ZNF157: variants seen among roughly 807,000 people sequenced by gnomAD.
The protein encoded by ZNF157 is zinc finger protein 157.
Under a neutral mutation model 9.4 loss-of-function variants are expected in ZNF157, and 8 were observed. The ratio of observed to expected loss-of-function variants is 0.85; its 90% CI spans 0.50 to 1.53. The LOEUF (loss-of-function observed/expected upper bound fraction) is 1.53, where lower values mean the gene tolerates loss of function less well. Among genes scored for constraint, ZNF157 ranks in the 40% most tolerant of loss-of-function variants. The probability of loss-of-function intolerance (pLI) is 0.00; values close to 1 mark genes in which losing one functional copy is unlikely to be tolerated. For missense variants in ZNF157, 316 were observed against 385.2 expected (o/e 0.82, Z 1.50); for synonymous variants, 120 against 130.8 (o/e 0.92, Z 0.56).
intron 1 of ZNF157, among the ~76,000 whole-genome samples, chrX:47,393,718 A>C (rs2055904266): frequency 1.1e-5 from 1 of 90,326 alleles, no homozygotes. Flanking sequence ...GGATTGAGCT[A>C]CCATCCCCGC....
intron 1 of ZNF157, among the ~76,000 whole-genome samples, chrX:47,394,524 G>A (rs1441032846): frequency 1.8e-5 from 2 of 111,725 alleles, no homozygotes; most frequent in Non-Finnish European, 3.8e-5. Context: ...TACGTTGCTC[G>A]AAAATCTCTC....
At chrX:47,385,502 T>G (rs763232992) in intron 1 of ZNF157, among the ~76,000 whole-genome samples, 1 of 108,809 alleles carries the variant, frequency 9.2e-6, no homozygotes, top group African/African-American at 3.3e-5. Flanking sequence ...AATAACAAAC[T>G]CTTGAGTGCT....
intron 2 of ZNF157, 104 bp from the exon 3 acceptor site, chrX:47,410,576 G>A (rs953138167): frequency 4.2e-6 from 4 of 949,360 alleles, no homozygotes; most frequent in Non-Finnish European, 5.8e-6. Flanking sequence ...GTTTAAATGG[G>A]CCCCCTTCCT....
chrX:47,388,187 A>G (rs1031743342), intron 1 of ZNF157, among the ~76,000 whole-genome samples: 1 of 109,864 alleles, frequency 9.1e-6, no homozygotes, highest in Admixed American at 9.9e-5. Flanking sequence ...ACTGCACTCA[A>G]GTGATCCTCC....
Position 47,412,395 on chromosome X carries a change from G to A in ZNF157, c.322G>A (p.Gly108Ser). The A allele has an allele frequency of 3.3e-6, 4 of 1,201,506 alleles. No homozygotes were observed. The highest frequency in any genetic ancestry group is 3.4e-6 in the Non-Finnish European group (3 of 888,342). The change falls in exon 4 of 4, where the codon GGT becomes AGT. Residue 108 changes from glycine to serine, a missense_variant. Physicochemically the swap from Gly to Ser is moderately conservative, Grantham distance 56. Coordinates refer to ENST00000377073, the MANE Select transcript of ZNF157 (RefSeq NM_003446.4). ...SGSLSLLCGN[G>S]SVGDNALRHD... The stretch of plus-strand genomic sequence containing the variant: ...ATCTCTCTCACTGCTGTGTGGCAAT[G>A]GTTCTGTTGGGGATAATGCCCTCAG...
chrX:47,371,567 C>T (rs920217285), intron 1 of ZNF157, among the ~76,000 whole-genome samples: 1 of 111,634 alleles, frequency 9.0e-6, no homozygotes, highest in Non-Finnish European at 1.9e-5. Context: ...CGTCATTCAG[C>T]AAAATTCTGT....
At chrX:47,406,977 G>A (rs1357852904) in intron 1 of ZNF157, among the ~76,000 whole-genome samples, 4 of 112,006 alleles carry the variant, frequency 3.6e-5, no homozygotes, top group Non-Finnish European at 5.6e-5. Context: ...GATGTTAGCT[G>A]TAGGTTTTTG....
intron 1 of ZNF157, among the ~76,000 whole-genome samples, chrX:47,383,759 T>C (rs2055871727): frequency 9.3e-6 from 1 of 107,560 alleles, no homozygotes; most frequent in Admixed American, 1.0e-4. Context: ...ACCCAAAGCT[T>C]TGTGCACATG....
intron 1 of ZNF157, among the ~76,000 whole-genome samples, chrX:47,395,528 A>G (rs2055910646): frequency 8.9e-6 from 1 of 112,070 alleles, no homozygotes; most frequent in African/African-American, 3.2e-5. Flanking sequence ...TAATCTCTAA[A>G]TAAAGATAAC....
intron 1 of ZNF157, among the ~76,000 whole-genome samples, chrX:47,380,757 TTTA>T (rs1242465522): frequency 2.1e-5 from 2 of 93,927 alleles, no homozygotes; most frequent in East Asian, 3.2e-4. Context: ...ATTTTTCTTT[TTTA>T]TTATTATTTT....
intron 1 of ZNF157, among the ~76,000 whole-genome samples, chrX:47,393,959 C>G (rs1361381017): frequency 9.5e-6 from 1 of 105,592 alleles, no homozygotes; most frequent in Non-Finnish European, 1.9e-5. Flanking sequence ...CCAGGCTGGT[C>G]TCGAACTCTT....
intron 1 of ZNF157, among the ~76,000 whole-genome samples, chrX:47,401,819 G>A (rs1036035020): frequency 3.6e-5 from 4 of 110,231 alleles, no homozygotes; most frequent in Non-Finnish European, 7.6e-5. Context: ...AGTTCACTGC[G>A]GCCTCCACCT....
At chrX:47,376,028 G>A (rs1371836741) in intron 1 of ZNF157, among the ~76,000 whole-genome samples, 1 of 111,636 alleles carries the variant, frequency 9.0e-6, no homozygotes, top group Non-Finnish European at 1.9e-5. Context: ...TCATGTAGTT[G>A]GAATCATGCA....
At chrX:47,404,244 C>T (rs1339241745) in intron 1 of ZNF157, among the ~76,000 whole-genome samples, 2 of 109,323 alleles carry the variant, frequency 1.8e-5, no homozygotes, top group African/African-American at 3.3e-5. Flanking sequence ...CGGCTCACTG[C>T]AACCTCCATC....
intron 1 of ZNF157, among the ~76,000 whole-genome samples, chrX:47,396,278 G>C (rs1010612298): frequency 1.8e-4 from 20 of 110,896 alleles, no homozygotes; most frequent in African/African-American, 6.6e-4. Context: ...AGTAGCTCAT[G>C]CCTGTAATCC....
intron 3 of ZNF157, among the ~76,000 whole-genome samples, chrX:47,411,449 G>A (rs936548074): frequency 7.2e-5 from 8 of 110,666 alleles, no homozygotes; most frequent in East Asian, 2.8e-4. Context: ...TCACCTGCCC[G>A]GTTTAAACGA....
chrX:47,392,778 A>G (rs2055901043), intron 1 of ZNF157, among the ~76,000 whole-genome samples: 1 of 111,991 alleles, frequency 8.9e-6, no homozygotes, highest in Non-Finnish European at 1.9e-5. Flanking sequence ...AAAGGCAGAA[A>G]TTGGAAGTCA....
At position 47,412,966 on chromosome X, in the gene ZNF157, G is replaced by A. The variant is rs2055970520; in HGVS notation, c.893G>A (p.Gly298Glu). 1 of 1,209,625 alleles carries A rather than the reference G, an allele frequency of 8.3e-7. No homozygotes were observed. The highest frequency in any genetic ancestry group is 2.2e-5 in the Admixed American group (1 of 45,679). ...SLTQHHRTHTGEKPYECGECG... is the reference protein window; with the variant it reads ...SLTQHHRTHTEEKPYECGECG... ...ACCCAACACCACAGAACTCATACAGGGGAGAAACCTTATGAATGTGGGGAG... is the reference window on the plus strand; with the variant it reads ...ACCCAACACCACAGAACTCATACAGAGGAGAAACCTTATGAATGTGGGGAG... Residue 298 changes from glycine (G) to glutamate (E), a missense_variant, in exon 4 of 4, where the codon GGG (glycine) becomes GAG (glutamate). Gly to Glu is a moderately conservative substitution (Grantham distance 98). Coordinates refer to ENST00000377073, the MANE Select transcript of ZNF157 (RefSeq NM_003446.4).
At chrX:47,375,137 C>T (rs2055841101) in intron 1 of ZNF157, among the ~76,000 whole-genome samples, 1 of 102,852 alleles carries the variant, frequency 9.7e-6, no homozygotes, top group African/African-American at 3.5e-5. Context: ...CTGCCTCAGC[C>T]TCCCGAGTAG....
Sources: allele counts gnomAD v4.1 joint callset (sites outside exome capture counted in the v4.1 genomes callset), GRCh38; gene constraint gnomAD v4.1.1; transcripts MANE v1.5; gene names NCBI Gene and HGNC (gene_info 2026-07-23, HGNC 2026-07-21).